Variants in GLYR1 observed in about 807,000 individuals in gnomAD.
The protein encoded by GLYR1 is cytokine-like nuclear factor N-PAC.
GLYR1 carries 21 observed loss-of-function variants against 72.7 expected under a neutral mutation model. The ratio of observed to expected loss-of-function variants is 0.29; its 90% CI spans 0.20 to 0.42. The LOEUF is 0.42. Among genes scored for constraint, GLYR1 ranks in the 10% least tolerant of loss-of-function variants. The pLI is 1.00. For missense variants in GLYR1, 594 were observed against 712.1 expected, an observed-to-expected ratio of 0.83 and a Z score of 1.89; for synonymous variants, 392 against 270.2, an observed-to-expected ratio of 1.45 and a Z score of -4.42.
intron 9 of GLYR1, chr16:4,817,907 G>A (rs17137294): frequency 0.095 from 50,194 of 525,874 alleles, 3,130 homozygotes; most frequent in East Asian, 0.22. Context: ...GTCCCAGGAT[G>A]TAAACAGGCA....
chr16:4,814,573 A>C lies in GLYR1; in HGVS notation c.981T>G (p.Thr327=). ...CCTTGGGATCCGACACGCAGGCGAA[A>C]GTGATGTCGCAGGTTGAGACGACTT... ...PAEVVSTCDI[T]FACVSDPKAA... Residue 327 remains threonine (T), a synonymous_variant, in exon 11 of 16, where the codon ACT becomes ACG. Transcript: ENST00000321919. 6.2e-7 allele frequency: 1 copy of C among 1,614,070 alleles called. No individual in the cohort carries two copies. The highest frequency in any genetic ancestry group is 8.5e-7 in the Non-Finnish European group (1 of 1,180,026).
intron 10 of GLYR1, 129 bp from the exon 11 acceptor site, chr16:4,814,776 G>T (rs1215525904): frequency 4.2e-6 from 3 of 710,458 alleles, no homozygotes; most frequent in Non-Finnish European, 7.3e-6. Context: ...GGGAGCCTGG[G>T]TCATGGAGAT....
At position 4,823,882 on chromosome 16, in the gene GLYR1, G is replaced by A. The variant is rs1160852141; in HGVS notation, c.563C>T (p.Thr188Ile). The change falls in exon 6 of 16, where the codon ACC (threonine) becomes ATC (isoleucine). Residue 188 changes from threonine to isoleucine, a missense_variant. Coordinates refer to ENST00000321919, the MANE Select transcript of GLYR1 (RefSeq NM_032569.4). ...CGGTCCGGCCATCATCCCCTTCACG[G>A]TACTAGACTCCGGGATGGTGAGATC... ...EKDLTIPESS[T>I]VKGMMAGPMA... 6.2e-7 allele frequency: 1 copy of A among 1,614,052 alleles called. No homozygotes were observed. The highest frequency in any genetic ancestry group is 2.2e-5 in the East Asian group (1 of 44,874).
chr16:4,835,396 C>T (rs1003934890), intron 3 of GLYR1, among the ~76,000 whole-genome samples: 7 of 152,200 alleles, frequency 4.6e-5, no homozygotes, highest in African/African-American at 1.4e-4. Context: ...AAATTTTCCT[C>T]TTTACAACCA....
rs562728159 is a variant in GLYR1, at chr16:4,813,153, T to C, written c.1119+584A>G. Among the ~76,000 whole-genome samples, 13 of 150,888 alleles carry C rather than the reference T, an allele frequency of 8.6e-5. No homozygotes were observed. The East Asian group carries it at 2.6e-3, about 30-fold the overall frequency. ...AATTTTTTTGTATTTTTAGTAGAGA[T>C]GGGGTTTCACCGTGTTAGCCAGGAT... On this transcript the variant is annotated intron_variant, in intron 12 of 15. Transcript: ENST00000321919.
chr16:4,832,998 T>A (rs1311980508), intron 3 of GLYR1, 86 bp from the exon 4 acceptor site: 1 of 1,320,554 alleles, frequency 7.6e-7, no homozygotes, highest in Non-Finnish European at 1.0e-6. Flanking sequence ...ACGGTGTAAA[T>A]ATCCATTTGG....
intron 15 of GLYR1, among the ~76,000 whole-genome samples, chr16:4,807,996 G>A (rs190159496): frequency 5.9e-5 from 9 of 151,828 alleles, no homozygotes; most frequent in African/African-American, 1.9e-4. Flanking sequence ...AGCACTTTGG[G>A]AGGCCAAGGC....
At chr16:4,831,668 T>G (rs1356233613) in intron 5 of GLYR1, among the ~76,000 whole-genome samples, 1 of 152,184 alleles carries the variant, frequency 6.6e-6, no homozygotes, top group Non-Finnish European at 1.5e-5. Context: ...ATGGGATTCT[T>G]TATTTTTTAA....
At chr16:4,811,985 G>C in intron 13 of GLYR1, 101 bp downstream of exon 13, 1 of 1,486,682 alleles carries the variant, frequency 6.7e-7, no homozygotes, top group Admixed American at 2.1e-5. Flanking sequence ...CCTTCCCCAG[G>C]GTCCCCGGCA....
intron 15 of GLYR1, among the ~76,000 whole-genome samples, chr16:4,807,125 T>C (rs2083036595): frequency 6.8e-6 from 1 of 148,090 alleles, no homozygotes; most frequent in Non-Finnish European, 1.5e-5. Context: ...TTTTTTTTTT[T>C]TTTTGAGACG....
chr16:4,824,783 G>C (rs1429248863), intron 5 of GLYR1, among the ~76,000 whole-genome samples: 2 of 152,082 alleles, frequency 1.3e-5, no homozygotes, highest in African/African-American at 4.8e-5. Context: ...TTTAACACTG[G>C]TCTGGTCCCT....
At chr16:4,828,626 C>T (rs901770871) in intron 5 of GLYR1, among the ~76,000 whole-genome samples, 2 of 152,062 alleles carry the variant, frequency 1.3e-5, no homozygotes, top group East Asian at 3.9e-4. Flanking sequence ...GGGGTTCTCA[C>T]TGTACAAACG....
chr16:4,815,112 CTT>C (rs111782324), intron 10 of GLYR1, among the ~76,000 whole-genome samples: 2 of 144,890 alleles, frequency 1.4e-5, no homozygotes, highest in African/African-American at 2.5e-5. Flanking sequence ...ACCATTTTGG[CTT>C]TTTTTTTTTG....
At chr16:4,836,248 C>T (rs1358307122) in intron 3 of GLYR1, among the ~76,000 whole-genome samples, 1 of 152,208 alleles carries the variant, frequency 6.6e-6, no homozygotes, top group Non-Finnish European at 1.5e-5. Context: ...CCCAGATGTT[C>T]AGGAGGATGT....
intron 3 of GLYR1, among the ~76,000 whole-genome samples, chr16:4,840,634 G>A (rs933333929): frequency 2.0e-5 from 3 of 152,032 alleles, no homozygotes; most frequent in African/African-American, 7.2e-5. Context: ...GCTAATACCT[G>A]CTGTATGGCA....
chr16:4,836,016 C>G (rs1049420477), intron 3 of GLYR1, among the ~76,000 whole-genome samples: 1 of 152,060 alleles, frequency 6.6e-6, no homozygotes, highest in Non-Finnish European at 1.5e-5. Context: ...CCAGGTTGGT[C>G]TCGAACTCCT....
intron 9 of GLYR1, among the ~76,000 whole-genome samples, chr16:4,820,635 T>A (rs906322925): frequency 1.3e-5 from 2 of 152,190 alleles, no homozygotes; most frequent in African/African-American, 2.4e-5. Flanking sequence ...TACAAAAATA[T>A]CATGTAAAAG....
rs770322149 is a variant in GLYR1 at position 4,847,231 on chromosome 16, A to C, written c.35T>G (p.Val12Gly). ...AAVSLRLGDL[V>G]WGKLGRYPPW... ...TGGCCCGGCCGCTCGGACTCACCAC[A>C]CCAAGTCGCCGAGCCGCAGACTCAC... Residue 12 changes from valine (V) to glycine (G), a missense_variant, in exon 1 of 16, where the codon GTG becomes GGG. By Grantham distance (109) the Val-to-Gly change is moderately radical. Coordinates refer to ENST00000321919, the MANE Select transcript of GLYR1 (RefSeq NM_032569.4). 1 of 1,606,178 alleles carries C rather than the reference A, an allele frequency of 6.2e-7. No individual in the cohort carries two copies. The highest frequency in any genetic ancestry group is 1.7e-5 in the Admixed American group (1 of 59,500).
rs753487301 is a variant in GLYR1, at chr16:4,821,373, G to A, written c.806+7C>T. On this transcript the variant is annotated splice_region_variant and intron_variant, in intron 9 of 15. Coordinates refer to ENST00000321919, the MANE Select transcript of GLYR1 (RefSeq NM_032569.4). The stretch of plus-strand genomic sequence containing the variant: ...GCCACTGGAGGCCTTTTCATCAAAG[G>A]TCCTACTTTTTGTCTGTGGGTGTGA... 39 of 1,612,464 alleles carry A rather than the reference G, an allele frequency of 2.4e-5. No homozygotes were observed. The South Asian group carries it at 4.3e-4, about 18-fold the overall frequency.
Sources: gnomAD v4.1 joint callset for allele counts (sites outside exome capture counted in the v4.1 genomes callset) on GRCh38, gnomAD v4.1.1 for gene constraint, MANE v1.5 for transcripts, NCBI Gene and HGNC (gene_info 2026-07-23, HGNC 2026-07-21) for gene names.